Variants in RIMBP2 observed in about 807,000 individuals in gnomAD.
RIMBP2 encodes the protein RIMS-binding protein 2.
RIMBP2 carries 48 observed loss-of-function variants against 118.6 expected under a neutral mutation model. The observed-to-expected ratio is 0.40, with a 90% CI of 0.32 to 0.51. The LOEUF (loss-of-function observed/expected upper bound fraction) is 0.51, where lower values mean the gene tolerates loss of function less well. Among genes scored for constraint, RIMBP2 ranks in the 20% least tolerant of loss-of-function variants. The probability of loss-of-function intolerance (pLI) is 0.41; values close to 1 mark genes in which losing one functional copy is unlikely to be tolerated. For missense variants in RIMBP2, 1,551 were observed against 1,768.3 expected, an observed-to-expected ratio of 0.88 and a Z score of 2.20; for synonymous variants, 762 against 742.9, an observed-to-expected ratio of 1.03 and a Z score of -0.42.
intron 2 of RIMBP2, among the ~76,000 whole-genome samples, chr12:130,527,158 A>T (rs2052890312): frequency 6.6e-6 from 1 of 152,220 alleles, no homozygotes; most frequent in South Asian, 2.1e-4. Context: ...CACTGACCAG[A>T]TGTAATTTGG....
chr12:130,493,693 T>C (rs2138501469), intron 4 of RIMBP2, among the ~76,000 whole-genome samples: 1 of 152,314 alleles, frequency 6.6e-6, no homozygotes, highest in East Asian at 1.9e-4. Context: ...CCCAGGGAAC[T>C]CAATATACAT....
chr12:130,712,389 A>AT (rs958862568), intron 1 of RIMBP2, among the ~76,000 whole-genome samples: 50 of 152,030 alleles, frequency 3.3e-4, no homozygotes, highest in African/African-American at 1.1e-3. Flanking sequence ...TCCCTATTTG[A>AT]TTTTTTTGTT....
intron 2 of RIMBP2, among the ~76,000 whole-genome samples, chr12:130,541,147 A>C (rs1436937129): frequency 6.6e-6 from 1 of 152,152 alleles, no homozygotes. Context: ...AATCAAAAGA[A>C]AATGAGCAGA....
At chr12:130,579,634 G>A (rs1452896472) in intron 2 of RIMBP2, among the ~76,000 whole-genome samples, 2 of 152,128 alleles carry the variant, frequency 1.3e-5, no homozygotes, top group Non-Finnish European at 2.9e-5. Context: ...AAACCTGGAG[G>A]TGGTCTTAGG....
At chr12:130,460,363 T>C (rs2079870339) in intron 6 of RIMBP2, among the ~76,000 whole-genome samples, 1 of 152,156 alleles carries the variant, frequency 6.6e-6, no homozygotes, top group African/African-American at 2.4e-5. Context: ...AGTATTGGTA[T>C]TGATGAGCAG....
At chr12:130,541,617 G>C (rs997125220) in intron 2 of RIMBP2, among the ~76,000 whole-genome samples, 5 of 152,180 alleles carry the variant, frequency 3.3e-5, no homozygotes, top group African/African-American at 1.2e-4. Context: ...GCCAATGAAA[G>C]CCTTTTAGTC....
chr12:130,428,513 AC>A, intron 14 of RIMBP2, 176 bp from the exon 15 acceptor site: 1 of 564,700 alleles, frequency 1.8e-6, no homozygotes, highest in Non-Finnish European at 3.0e-6. Context: ...GAGAGGACAC[AC>A]CCACTCTCTC....
At chr12:130,601,482 C>T (rs1274083216) in intron 2 of RIMBP2, among the ~76,000 whole-genome samples, 1 of 152,132 alleles carries the variant, frequency 6.6e-6, no homozygotes, top group Non-Finnish European at 1.5e-5. Context: ...TAATTTACTG[C>T]CCAGCCTGGC....
At chr12:130,591,210 T>G (rs550846069) in intron 2 of RIMBP2, among the ~76,000 whole-genome samples, 3 of 152,234 alleles carry the variant, frequency 2.0e-5, no homozygotes, top group African/African-American at 4.8e-5. Context: ...GGTTCTGACA[T>G]GGACCCAGCA....
At chr12:130,712,839 G>T (rs1449198347) in intron 1 of RIMBP2, among the ~76,000 whole-genome samples, 1 of 152,080 alleles carries the variant, frequency 6.6e-6, no homozygotes, top group African/African-American at 2.4e-5. Flanking sequence ...GAGCAGCTAC[G>T]ACAGCCACAC....
At chr12:130,586,761 G>A (rs1249785522) in intron 2 of RIMBP2, among the ~76,000 whole-genome samples, 1 of 114,188 alleles carries the variant, frequency 8.8e-6, no homozygotes, top group Non-Finnish European at 1.8e-5. Context: ...TCAGGACATA[G>A]GCATGGGCAA....
intron 4 of RIMBP2, among the ~76,000 whole-genome samples, chr12:130,485,810 G>A (rs1300961443): frequency 6.6e-6 from 1 of 152,180 alleles, no homozygotes; most frequent in African/African-American, 2.4e-5. Context: ...CTTGCTTCGG[G>A]GTGCCAGTGA....
rs144539677 is a variant in RIMBP2 at position 130,676,861 on chromosome 12, G to C, written c.-352+39361C>G. On this transcript the variant is annotated intron_variant, in intron 1 of 22. Transcript: ENST00000690449. ...CAAGTGAGGGGCTGCTGGGGTCAGG[G>C]TGAGGGGAGGGAAAGCCTGCCAGGG... Among the ~76,000 whole-genome samples the C allele has an allele frequency of 3.2e-3, 494 of 152,256 alleles. 5 individuals are homozygous for C. Among genetic ancestry groups the C allele is most frequent in the African/African-American group, 0.011 (468 of 41,544 alleles).
chr12:130,442,057 T>C lies in RIMBP2; in HGVS notation c.1295A>G (p.Asn432Ser), dbSNP rs1434426408. ...GAAGATGACGTGGCTGTAGTTGCTGTTGGTGGGTAGCCAGGAGAGCTGGGC... is the reference window on the plus strand; with the variant it reads ...GAAGATGACGTGGCTGTAGTTGCTGCTGGTGGGTAGCCAGGAGAGCTGGGC... ...ISAQLSWLPT[N>S]SNYSHVIFLN... Residue 432 changes from asparagine (N) to serine (S), a missense_variant, in exon 11 of 23, where the codon AAC becomes AGC. Around this residue, in one of 5 missense-constraint regions of RIMBP2, gnomAD observed 265 missense variants for 349.5 expected, o/e 0.76. Coordinates refer to ENST00000690449, the MANE Select transcript of RIMBP2 (RefSeq NM_001393629.1). The surrounding 1 kb of genome is among the most constrained non-coding windows in gnomAD (Gnocchi z 6.9). 1.9e-6 allele frequency: 3 copies of C among 1,614,036 alleles called. No homozygotes were observed. Among genetic ancestry groups the C allele is most frequent in the Non-Finnish European group, 2.5e-6 (3 of 1,180,050 alleles).
At chr12:130,480,694 G>A (rs936236279) in intron 4 of RIMBP2, among the ~76,000 whole-genome samples, 1 of 152,126 alleles carries the variant, frequency 6.6e-6, no homozygotes, top group South Asian at 2.1e-4. Context: ...TCCACCTCCT[G>A]GGTTCAAGCT....
intron 3 of RIMBP2, among the ~76,000 whole-genome samples, chr12:130,514,498 A>G (rs2051237369): frequency 6.6e-6 from 1 of 152,162 alleles, no homozygotes; most frequent in Non-Finnish European, 1.5e-5. Context: ...TGCAGGGCTC[A>G]GCTCCAGCAC....
intron 2 of RIMBP2, among the ~76,000 whole-genome samples, chr12:130,611,436 G>T (rs1308198474): frequency 6.6e-6 from 1 of 152,216 alleles, no homozygotes; most frequent in Non-Finnish European, 1.5e-5. Flanking sequence ...CAGAAGCCAG[G>T]GCACCTGGGG....
At chr12:130,399,933 G>A in intron 21 of RIMBP2, 120 bp from the exon 22 acceptor site, 1 of 1,166,928 alleles carries the variant, frequency 8.6e-7, no homozygotes, top group Non-Finnish European at 1.2e-6. Context: ...TGGTTCAAAA[G>A]TGGCAGGACT....
rs898592876 is a variant in RIMBP2 at position 130,511,064 on chromosome 12, A to G, written c.-126-4294T>C. On this transcript the variant is annotated intron_variant, in intron 3 of 22. Coordinates refer to ENST00000690449, the MANE Select transcript of RIMBP2 (RefSeq NM_001393629.1). The surrounding 1 kb of genome is among the most constrained non-coding windows in gnomAD (Gnocchi z 4.3). ...TGGCAGAACGGACCCTGAAGATGGGATTGCATGGAGCATCCTGAGAGTGGG... is the reference window on the plus strand; with the variant it reads ...TGGCAGAACGGACCCTGAAGATGGGGTTGCATGGAGCATCCTGAGAGTGGG... Among the ~76,000 whole-genome samples the G allele has an allele frequency of 1.3e-5, 2 of 152,182 alleles. No homozygotes were observed. Among genetic ancestry groups the G allele is most frequent in the Middle Eastern group, 6.3e-3 (2 of 316 alleles).
Sources: allele counts gnomAD v4.1 joint callset (sites outside exome capture counted in the v4.1 genomes callset), GRCh38; gene constraint gnomAD v4.1.1; regional missense constraint gnomAD v4.1.1; non-coding constraint Gnocchi (gnomAD v3.1); transcripts MANE v1.5; gene names NCBI Gene and HGNC (gene_info 2026-07-23, HGNC 2026-07-21).